RARS1: variants seen among roughly 807,000 people sequenced by gnomAD.
RARS1 encodes the protein arginine--tRNA ligase, cytoplasmic.
A neutral mutation model predicts 78.7 loss-of-function variants in RARS1; 75 were observed. The ratio of observed to expected loss-of-function variants is 0.95; its 90% CI spans 0.79 to 1.15. The LOEUF is 1.15. RARS1 is among the 50% of genes most tolerant of loss of function. RARS1 has a pLI of 0.00. For missense variants in RARS1, 787 were observed against 787.5 expected, an observed-to-expected ratio of 1.00 and a Z score of 0.01; for synonymous variants, 273 against 268.2, an observed-to-expected ratio of 1.02 and a Z score of -0.18.
chr5:168,498,122 C>T (rs4976559), intron 7 of RARS1: 19,777 of 151,788 alleles, frequency 0.13, 1,717 homozygotes, highest in Non-Finnish European at 0.19. Context: ...TTACAGCTAC[C>T]TGGGAGACTG....
rs1159870590 is a variant in RARS1, at chr5:168,517,990, A to T, written c.1801A>T (p.Ile601Leu). The T allele has an allele frequency of 9.4e-6, 15 of 1,600,412 alleles. No individual in the cohort carries two copies. Among genetic ancestry groups the T allele is most frequent in the Non-Finnish European group, 1.3e-5 (15 of 1,173,142 alleles). Residue 601 changes from isoleucine (I) to leucine (L), a missense_variant, in exon 14 of 15, where the codon ATA becomes TTA. By Grantham distance (5) the Ile-to-Leu change is conservative (BLOSUM62 2). Coordinates refer to ENST00000231572, the MANE Select transcript of RARS1 (RefSeq NM_002887.4). ...DLFLHTLCDY[I>L]YELATAFTEF... Reference sequence around the variant, plus strand: ...ATTTCTCCACACTCTCTGTGATTATATATATGAGCTGGCAACTGCTTTCAC... The same window carrying T: ...ATTTCTCCACACTCTCTGTGATTATTTATATGAGCTGGCAACTGCTTTCAC...
intron 12 of RARS1, among the ~76,000 whole-genome samples, chr5:168,511,195 A>T (rs559897432): frequency 2.2e-3 from 321 of 144,072 alleles, no homozygotes; most frequent in Middle Eastern, 3.5e-3. Context: ...AACAAGAAAA[A>T]TTTTTTTTTT....
intron 9 of RARS1, among the ~76,000 whole-genome samples, chr5:168,504,880 G>A (rs1758405978): frequency 6.6e-6 from 1 of 151,980 alleles, no homozygotes; most frequent in Non-Finnish European, 1.5e-5. Context: ...ACAGCTTCAC[G>A]AGAGGCTGAG....
chr5:168,513,306 G>A, intron 12 of RARS1, among the ~76,000 whole-genome samples: 1 of 146,598 alleles, frequency 6.8e-6, no homozygotes, highest in Non-Finnish European at 1.5e-5. Flanking sequence ...GATCTGCCCT[G>A]CCACCGTGCC....
intron 2 of RARS1, among the ~76,000 whole-genome samples, chr5:168,490,220 T>C: frequency 6.6e-6 from 1 of 152,238 alleles, no homozygotes; most frequent in Non-Finnish European, 1.5e-5. Flanking sequence ...TCCTTTTCCA[T>C]AGAATCTTCC....
At chr5:168,486,629 G>GAT in intron 1 of RARS1, 86 bp downstream of exon 1, 1 of 1,410,200 alleles carries the variant, frequency 7.1e-7, no homozygotes, top group Non-Finnish European at 9.7e-7. Flanking sequence ...GGGCGGGACA[G>GAT]CTAGGCGAGG....
chr5:168,487,258 C>G (rs1029713285), intron 1 of RARS1, among the ~76,000 whole-genome samples: 1 of 151,952 alleles, frequency 6.6e-6, no homozygotes, highest in Non-Finnish European at 1.5e-5. Flanking sequence ...CCTAGCTACT[C>G]GGGAGGCTGA....
In RARS1 at chr5:168,488,537, C is replaced by A. The variant is rs531875721; in HGVS notation, c.46-65C>A. 7 of 1,518,024 alleles carry A rather than the reference C, an allele frequency of 4.6e-6. No homozygotes were observed. The Admixed American group carries it at 1.0e-4, about 23-fold the overall frequency. 94.0% of individuals were successfully genotyped at this position (1,518,024 alleles called of 1,614,324 possible). ...ATGATTCCCATGGTCTATGCCACGC[C>A]TTGGTAGAGAGGGGAAATGTGGAAG... is the stretch of plus-strand genomic sequence containing the variant. On this transcript the variant is annotated intron_variant, in intron 1 of 14. Transcript: ENST00000231572.
At chr5:168,502,875 A>G (rs1263266885) in intron 9 of RARS1, among the ~76,000 whole-genome samples, 7 of 152,100 alleles carry the variant, frequency 4.6e-5, no homozygotes, top group Admixed American at 2.0e-4. Context: ...TTTTCAAAGT[A>G]TGCATATAAC....
chr5:168,506,089 G>C lies in RARS1; in HGVS notation c.1126G>C (p.Val376Leu), dbSNP rs759511978. The C allele has an allele frequency of 6.2e-7, 1 of 1,607,468 alleles. No homozygotes were observed. The highest frequency in any genetic ancestry group is 8.5e-7 in the Non-Finnish European group (1 of 1,176,956). The change falls in exon 10 of 15, where the codon GTA (valine) becomes CTA (leucine). Residue 376 changes from valine to leucine, a missense_variant. Val to Leu is a conservative substitution (Grantham distance 32, BLOSUM62 1). Transcript: ENST00000231572. ...AGGGTGTTCCATACCATTAACCATA[G>C]TAAAATCAGATGGAGGTTATACCTA... is the stretch of plus-strand genomic sequence containing the variant. ...VPGCSIPLTI[V>L]KSDGGYTYDT...
At chr5:168,509,214 TAAG>T (rs1421948088) in intron 11 of RARS1, among the ~76,000 whole-genome samples, 11 of 152,320 alleles carry the variant, frequency 7.2e-5, no homozygotes, top group Admixed American at 2.0e-4. Flanking sequence ...GTTGAACACT[TAAG>T]AAGAAGTGTA....
rs1354675753 is a variant in RARS1 at position 168,488,609 on chromosome 5, A to C, written c.53A>C (p.Glu18Ala). Residue 18 changes from glutamate to alanine, a missense_variant, in exon 2 of 15, where the codon GAG (glutamate) becomes GCG (alanine). By Grantham distance (107) the Glu-to-Ala change is moderately radical (BLOSUM62 -1). Transcript: ENST00000231572. ...CSARLLQQEE[E>A]IKSLTAEIDR... ...GTGCTTTTTTTCCCACAGGAAGAAG[A>C]GATTAAATCTCTGACTGCTGAAATT... The C allele has an allele frequency of 1.9e-6, 3 of 1,601,212 alleles. No homozygotes were observed. The highest frequency in any genetic ancestry group is 2.5e-6 in the Non-Finnish European group (3 of 1,176,970).
intron 7 of RARS1, among the ~76,000 whole-genome samples, chr5:168,499,094 G>A (rs1379151759): frequency 6.6e-6 from 1 of 152,172 alleles, no homozygotes; most frequent in Non-Finnish European, 1.5e-5. Context: ...GAGGCAGGCA[G>A]ATTGCTTGAG....
At chr5:168,515,323 C>G (rs1273845292) in intron 12 of RARS1, among the ~76,000 whole-genome samples, 2 of 151,954 alleles carry the variant, frequency 1.3e-5, no homozygotes, top group African/African-American at 4.8e-5. Context: ...GCTCTTTTAT[C>G]TTTTTCCCCC....
At chr5:168,505,577 C>G (rs115365149) in intron 9 of RARS1, among the ~76,000 whole-genome samples, 2,371 of 152,124 alleles carry the variant, frequency 0.016, 49 homozygotes, top group African/African-American at 0.054. Flanking sequence ...TGGGTTCCAA[C>G]TAAAGAGTTT....
At chr5:168,494,461 G>T in intron 4 of RARS1, 89 bp from the exon 5 acceptor site, 3 of 1,553,876 alleles carry the variant, frequency 1.9e-6, no homozygotes, top group Admixed American at 3.8e-5. Context: ...TTTTGCCAGA[G>T]CCAGGTCAGT....
Position 168,494,443 on chromosome 5 carries a change from C to T in RARS1, c.479-107C>T, listed in dbSNP as rs1205684652. On this transcript the variant is annotated intron_variant, in intron 4 of 14. Transcript: ENST00000231572. ...CAAGGCCACAACTGGTATTGGAATC[C>T]GGAAGAATTTTGCCAGAGCCAGGTC... 12 of 1,521,428 alleles carry T rather than the reference C, an allele frequency of 7.9e-6. No individual in the cohort carries two copies. The East Asian group carries it at 1.6e-4, about 20-fold the overall frequency. 94.2% of individuals were successfully genotyped at this position (1,521,428 alleles called of 1,614,324 possible). A position where few individuals can be genotyped will look rare whatever the true frequency, so the allele number is the denominator to read the frequency against.
rs1250877819 is a variant in RARS1, at chr5:168,493,981, A to G, written c.457A>G (p.Lys153Glu). The change falls in exon 4 of 15, where the codon AAA becomes GAA. Residue 153 changes from lysine to glutamate, a missense_variant. Coordinates refer to ENST00000231572, the MANE Select transcript of RARS1 (RefSeq NM_002887.4). The part of the protein sequence containing the change: ...KHLPDNECIE[K>E]VEIAGPGFIN... ...CCTCCCAGACAATGAATGTATTGAAAAAGTTGAAATTGCTGGTCCTGGTAT... is the reference window on the plus strand; with the variant it reads ...CCTCCCAGACAATGAATGTATTGAAGAAGTTGAAATTGCTGGTCCTGGTAT... 6.2e-7 allele frequency: 1 copy of G among 1,610,526 alleles called. No homozygotes were observed. Among genetic ancestry groups the G allele is most frequent in the Non-Finnish European group, 8.5e-7 (1 of 1,176,786 alleles).
chr5:168,492,790 A>C lies in RARS1; in HGVS notation c.312A>C (p.Pro104=). ...AAAATCCTCCTCTGCTAGTGACACC[A>C]AGTCAGCAGGCCAAGTTTGGGGACT... The part of the protein sequence containing the change: ...DLENPPLLVT[P]SQQAKFGDYQ... Residue 104 remains proline, a synonymous_variant, in exon 3 of 15, where the codon CCA becomes CCC. Coordinates refer to ENST00000231572, the MANE Select transcript of RARS1 (RefSeq NM_002887.4). 1 of 1,613,930 alleles carries C rather than the reference A, an allele frequency of 6.2e-7. No homozygotes were observed. The highest frequency in any genetic ancestry group is 8.5e-7 in the Non-Finnish European group (1 of 1,179,816).
Sources: allele counts gnomAD v4.1 joint callset (sites outside exome capture counted in the v4.1 genomes callset), GRCh38; gene constraint gnomAD v4.1.1; transcripts MANE v1.5; gene names NCBI Gene and HGNC (gene_info 2026-07-23, HGNC 2026-07-21).